The following KRT39 variants were observed in gnomAD, a reference collection of about 807,000 sequenced individuals.
KRT39 encodes keratin 39.
KRT39 carries 47 observed loss-of-function variants against 54.8 expected under a neutral mutation model. That is an observed-to-expected ratio of 0.86 (90% confidence interval 0.68 to 1.09). KRT39 has a LOEUF of 1.09. KRT39 is among the 50% of genes least tolerant of loss of function. The pLI is 0.00. For missense variants in KRT39, 580 were observed against 598.5 expected (o/e 0.97, Z 0.32); for synonymous variants, 207 against 227.9 (o/e 0.91, Z 0.83).
chr17:40,964,598 T>A, intron 1 of KRT39, 70 bp from the exon 2 acceptor site: 2 of 1,049,816 alleles, frequency 1.9e-6, no homozygotes, highest in Non-Finnish European at 3.0e-6. Flanking sequence ...ACCAAGGGGT[T>A]TGTGTGTGTG....
chr17:40,960,532 A>C (rs754930972), intron 5 of KRT39, 31 bp from the exon 6 acceptor site: 4 of 1,560,270 alleles, frequency 2.6e-6, no homozygotes, highest in Non-Finnish European at 3.5e-6. Flanking sequence ...AGGATTTATA[A>C]TGACTCCTTT....
chr17:40,965,331 G>A (rs972249696), intron 1 of KRT39, among the ~76,000 whole-genome samples: 7 of 152,058 alleles, frequency 4.6e-5, no homozygotes, highest in East Asian at 3.8e-4. Flanking sequence ...AGCAGAGATC[G>A]CGCCATTGCA....
At chr17:40,959,219 T>C (rs1371023585) in intron 6 of KRT39, among the ~76,000 whole-genome samples, 1 of 152,204 alleles carries the variant, frequency 6.6e-6, no homozygotes, top group Non-Finnish European at 1.5e-5. Context: ...CTTTAGTTTT[T>C]CATCTGCAGA....
At chr17:40,959,745 T>C (rs1911058859) in intron 6 of KRT39, among the ~76,000 whole-genome samples, 1 of 152,232 alleles carries the variant, frequency 6.6e-6, no homozygotes, top group Admixed American at 6.5e-5. Context: ...GTTAGCTTCT[T>C]ATTGCTTACA....
Position 40,964,512 on chromosome 17 carries a change from G to T in KRT39, c.485C>A (p.Ala162Asp), listed in dbSNP as rs1911283983. Residue 162 changes from alanine (A) to aspartate (D), a missense_variant, in exon 2 of 7, where the codon GCC becomes GAC. Transcript: ENST00000355612. ...ELQQKILCTK[A>D]ENSRLVSQID... is the part of the protein sequence containing the mutation. ...TTGCGAGACCAGTCTGGAATTCTCG[G>T]CCTTGGTACACAAGATCTAGAATTA... 7 of 1,612,498 alleles carry T rather than the reference G, an allele frequency of 4.3e-6. No homozygotes were observed. The East Asian group carries it at 1.6e-4, about 36-fold the overall frequency.
chr17:40,958,629 C>G lies in KRT39; in HGVS notation c.1448G>C (p.Cys483Ser). ...GACTTTGGCAGGTCTGATGATGAAA[C>G]AAGGCTGCACATGCTCGTAAGAAGA... is the stretch of plus-strand genomic sequence containing the variant. ...VISSYEHVQP[C>S]FIIRPAKV Residue 483 changes from cysteine to serine, a missense_variant, in exon 7 of 7, where the codon TGT becomes TCT. By Grantham distance (112) the Cys-to-Ser change is moderately radical. Coordinates refer to ENST00000355612, the MANE Select transcript of KRT39 (RefSeq NM_213656.4). 1 of 1,611,584 alleles carries G rather than the reference C, an allele frequency of 6.2e-7. No homozygotes were observed.
intron 5 of KRT39, among the ~76,000 whole-genome samples, chr17:40,961,199 A>G (rs1383008541): frequency 1.3e-5 from 2 of 152,100 alleles, no homozygotes; most frequent in Non-Finnish European, 2.9e-5. Context: ...TAAAAAAGGA[A>G]GGAAGCAATG....
In KRT39 at chr17:40,966,517, C is replaced by T. The variant is rs1300603719; in HGVS notation, c.340G>A (p.Val114Met). The T allele has an allele frequency of 1.2e-6, 2 of 1,614,180 alleles. No homozygotes were observed. The highest frequency in any genetic ancestry group is 1.7e-6 in the Non-Finnish European group (2 of 1,180,024). Residue 114 changes from valine (V) to methionine (M), a missense_variant, in exon 1 of 7, where the codon GTG becomes ATG. Transcript: ENST00000355612. ...GCATTCTCTCGTTCTAGCATTCGCACCTTTTGCAGGTAGTTAGCAAGGCGC... is the reference window on the plus strand; with the variant it reads ...GCATTCTCTCGTTCTAGCATTCGCATCTTTTGCAGGTAGTTAGCAAGGCGC... Reference protein sequence around the residue: ...NERLANYLQKVRMLERENAEL... With the variant: ...NERLANYLQKMRMLERENAEL...
At chr17:40,964,118 G>A (rs1382165044) in intron 2 of KRT39, 3 of 431,990 alleles carry the variant, frequency 6.9e-6, no homozygotes, top group African/African-American at 2.0e-5. Context: ...ACTTGTGCTA[G>A]TTATGCTTAC....
rs1016033298 is a variant in KRT39 at position 40,964,223 on chromosome 17, T to C, written c.551+223A>G. The C allele has an allele frequency of 9.0e-6, 5 of 553,676 alleles. No individual in the cohort carries two copies. In the African/African-American group the frequency reaches 9.4e-5, roughly 10 times the overall value. The allele number at this position is 553,676 out of a possible 1,614,324, so 34.3% of individuals were successfully genotyped here. On this transcript the variant is annotated intron_variant, in intron 2 of 6. Coordinates refer to ENST00000355612, the MANE Select transcript of KRT39 (RefSeq NM_213656.4). ...TCCTATCTATTTTACTGAACTATTG[T>C]GTAGGTAATCAAATGGGTTCACAAG...
Position 40,958,469 on chromosome 17 carries a change from C to A in KRT39, c.*132G>T. ...GCAGAATAAAAGATATTCTACCTAG[C>A]AATGGGGACCCGCTGTAGTAGTAAG... On this transcript the variant is annotated 3_prime_UTR_variant, in exon 7 of 7. Transcript: ENST00000355612. The A allele has an allele frequency of 3.3e-6, 3 of 899,946 alleles. No homozygotes were observed. The highest frequency in any genetic ancestry group is 3.8e-5 in the South Asian group (2 of 52,066). 55.7% of individuals were successfully genotyped at this position (899,946 alleles called of 1,614,324 possible).
rs750894516 is a variant in KRT39, at chr17:40,958,513, G to T, written c.*88C>A. ...TAGTAAGAAACTAAGTACCTTAAGGGACTGGGGAGTTTTCTTAAACCTCTC... is the reference window on the plus strand; with the variant it reads ...TAGTAAGAAACTAAGTACCTTAAGGTACTGGGGAGTTTTCTTAAACCTCTC... On this transcript the variant is annotated 3_prime_UTR_variant, in exon 7 of 7. Transcript: ENST00000355612. The T allele has an allele frequency of 4.9e-6, 7 of 1,441,200 alleles. No individual in the cohort carries two copies. The highest frequency in any genetic ancestry group is 6.6e-6 in the Non-Finnish European group (7 of 1,066,294). 89.3% of individuals were successfully genotyped at this position (1,441,200 alleles called of 1,614,324 possible).
chr17:40,964,907 C>G (rs1422747062), intron 1 of KRT39, among the ~76,000 whole-genome samples: 2 of 145,886 alleles, frequency 1.4e-5, no homozygotes, highest in Non-Finnish European at 3.0e-5. Flanking sequence ...CTAAAAAATA[C>G]AAAAATTGGC....
chr17:40,960,299 A>G lies in KRT39; in HGVS notation c.1199T>C (p.Leu400Pro), dbSNP rs1208324856. ...ECEITTYRSL[L>P]ESSDGKRPCY... ...TACATACTTGCCATCCGAGCTCTCC[A>G]GAAGGCTGCGGTATGTGGTAATCTC... The change falls in exon 6 of 7, where the codon CTG (leucine) becomes CCG (proline). Residue 400 changes from leucine to proline, a missense_variant. Transcript: ENST00000355612. 6.2e-7 allele frequency: 1 copy of G among 1,613,126 alleles called. No homozygotes were observed. Among genetic ancestry groups the G allele is most frequent in the Admixed American group, 1.7e-5 (1 of 60,000 alleles).
Position 40,962,537 on chromosome 17 carries a change from A to G in KRT39, c.735T>C (p.Leu245=). Residue 245 remains leucine (L), a synonymous_variant, in exon 4 of 7, where the codon CTT becomes CTC. Transcript: ENST00000355612. ...TCACTTCAATGTCAAGTCTCTCCCC[A>G]AGCTGACACTGTAAAGAATTGATTT... ...KEEINSLQCQ[L]GERLDIEVTA... is the part of the protein sequence containing the mutation. 6.2e-7 allele frequency: 1 copy of G among 1,613,768 alleles called. No individual in the cohort carries two copies. Among genetic ancestry groups the G allele is most frequent in the Non-Finnish European group, 8.5e-7 (1 of 1,179,924 alleles).
Position 40,961,682 on chromosome 17 carries a change from T to G in KRT39, c.996+480A>C, listed in dbSNP as rs1911157117. On this transcript the variant is annotated intron_variant, in intron 5 of 6. Coordinates refer to ENST00000355612, the MANE Select transcript of KRT39 (RefSeq NM_213656.4). The stretch of plus-strand genomic sequence containing the variant: ...CCTTGGATTTGCTTGGGAAAATCAC[T>G]TTAGCTCTTGGAGCCTCATCTGTAA... 2.0e-5 allele frequency among the ~76,000 whole-genome samples: 3 copies of G among 152,300 alleles called. No individual in the cohort carries two copies. The South Asian group carries it at 6.2e-4, about 32-fold the overall frequency.
intron 6 of KRT39, 77 bp from the exon 7 acceptor site, chr17:40,958,936 AT>A (rs567742198): frequency 4.9e-6 from 7 of 1,418,540 alleles, no homozygotes; most frequent in African/African-American, 1.4e-5. Flanking sequence ...ATTGTGGCTA[AT>A]TTTTTTAACA....
chr17:40,962,097 A>G (rs1911172777), intron 5 of KRT39, 65 bp downstream of exon 5: 3 of 1,563,066 alleles, frequency 1.9e-6, no homozygotes, highest in Non-Finnish European at 1.7e-6. Context: ...GAAATACTGC[A>G]GCACACAGGT....
At position 40,964,432 on chromosome 17, in the gene KRT39, T is replaced by C; in HGVS notation, c.551+14A>G. On this transcript the variant is annotated intron_variant, in intron 2 of 6. Transcript: ENST00000355612. ...GTGAGCTCTGTCATTGATGACGGTG[T>C]TGGGTGGGCTTACTTGGCTCTCAAG... 1.2e-6 allele frequency: 2 copies of C among 1,612,616 alleles called. No homozygotes were observed. Among genetic ancestry groups the C allele is most frequent in the Non-Finnish European group, 1.7e-6 (2 of 1,178,626 alleles).
Sources: gnomAD v4.1 joint callset for allele counts (sites outside exome capture counted in the v4.1 genomes callset) on GRCh38, gnomAD v4.1.1 for gene constraint, MANE v1.5 for transcripts, NCBI Gene and HGNC (gene_info 2026-07-23, HGNC 2026-07-21) for gene names.